The following ESPNL variants were observed in gnomAD, a reference collection of about 807,000 sequenced individuals.
ESPNL encodes the protein espin like, also known as espin-like protein.
Under a neutral mutation model 46.8 loss-of-function variants are expected in ESPNL, and 49 were observed. The ratio of observed to expected loss-of-function variants is 1.05; its 90% CI spans 0.83 to 1.33. ESPNL has a LOEUF of 1.33. Among genes scored for constraint, ESPNL ranks in the 40% most tolerant of loss-of-function variants. ESPNL has a pLI of 0.00. For synonymous variants in ESPNL, 664 were observed against 662.1 expected (o/e 1.00, Z -0.04); for missense variants, 1,540 against 1,436.6 (o/e 1.07, Z -1.16).
chr2:238,127,954 C>T (rs1459553740), intron 7 of ESPNL, among the ~76,000 whole-genome samples: 1 of 152,192 alleles, frequency 6.6e-6, no homozygotes, highest in Non-Finnish European at 1.5e-5. Flanking sequence ...CACAGAAACA[C>T]GGGGACCCTT....
chr2:238,118,132 A>G (rs111162876), intron 5 of ESPNL, among the ~76,000 whole-genome samples: 114 of 84,438 alleles, frequency 1.4e-3, no homozygotes, highest in African/African-American at 1.5e-3. Context: ...GTGGGTGGAG[A>G]AGGAATGGAT....
At chr2:238,105,687 G>A (rs958439404) in intron 3 of ESPNL, among the ~76,000 whole-genome samples, 3 of 152,106 alleles carry the variant, frequency 2.0e-5, no homozygotes, top group Non-Finnish European at 4.4e-5. Flanking sequence ...GCCCGGGGGC[G>A]GGCAGGAAAG....
chr2:238,127,648 G>A lies in ESPNL; in HGVS notation c.1129G>A (p.Gly377Ser). The change falls in exon 7 of 9, where the codon GGC becomes AGC. Residue 377 changes from glycine to serine, a missense_variant. Coordinates refer to ENST00000343063, the MANE Select transcript of ESPNL (RefSeq NM_194312.4). ...CATGTCCCTCAGCCCGGCCTGGCCT[G>A]GCCATCCTGACCAGCCTCTTCCCAG... ...SPMSLSPAWP[G>S]HPDQPLPREQ... 1 of 1,610,780 alleles carries A rather than the reference G, an allele frequency of 6.2e-7. No homozygotes were observed. The highest frequency in any genetic ancestry group is 8.5e-7 in the Non-Finnish European group (1 of 1,178,878).
rs1216094679 is a variant in ESPNL at position 238,131,256 on chromosome 2, G to A, written c.2542G>A (p.Val848Met). ...QFLPHVDGAPVPYSSLSLDLF... is the reference protein window; with the variant it reads ...QFLPHVDGAPMPYSSLSLDLF... ...CCTGCCCCACGTGGACGGGGCTCCG[G>A]TGCCCTACAGCAGCCTCTCACTGGA... Residue 848 changes from valine to methionine, a missense_variant, in exon 9 of 9, where the codon GTG (valine) becomes ATG (methionine). Coordinates refer to ENST00000343063, the MANE Select transcript of ESPNL (RefSeq NM_194312.4). The A allele has an allele frequency of 1.1e-5, 17 of 1,573,188 alleles. No individual in the cohort carries two copies. The highest frequency in any genetic ancestry group is 7.0e-5 in the East Asian group (3 of 42,804).
rs752488186 is a variant in ESPNL at position 238,131,685 on chromosome 2, G to T, written c.2971G>T (p.Ala991Ser). ...CTGCGGCTACATCAACCGCAGCTTT[G>T]CCTTCTGGAAGGAGAAGGAAGCTGA... Reference protein sequence around the residue: ...DICGYINRSFAFWKEKEAEMF... With the variant: ...DICGYINRSFSFWKEKEAEMF... The change falls in exon 9 of 9, where the codon GCC becomes TCC. Residue 991 changes from alanine (A) to serine (S), a missense_variant. By Grantham distance (99) the Ala-to-Ser change is moderately conservative. Coordinates refer to ENST00000343063, the MANE Select transcript of ESPNL (RefSeq NM_194312.4). The T allele has an allele frequency of 3.8e-6, 6 of 1,597,606 alleles. No homozygotes were observed. Among genetic ancestry groups the T allele is most frequent in the Non-Finnish European group, 5.1e-6 (6 of 1,167,416 alleles).
chr2:238,117,185 G>A (rs1474706521), intron 5 of ESPNL, 151 bp downstream of exon 5: 2 of 1,155,898 alleles, frequency 1.7e-6, no homozygotes, highest in South Asian at 1.6e-5. Context: ...CAAGGGCCTG[G>A]GCAGGACTGA....
intron 4 of ESPNL, among the ~76,000 whole-genome samples, chr2:238,116,469 G>A (rs1691817439): frequency 6.6e-6 from 1 of 152,236 alleles, no homozygotes; most frequent in African/African-American, 2.4e-5. Context: ...ACGGAGAGTG[G>A]GGCTGTGGCA....
chr2:238,100,672 G>C lies in ESPNL; in HGVS notation c.253G>C (p.Glu85Gln). The C allele has an allele frequency of 6.9e-7, 1 of 1,449,398 alleles. No individual in the cohort carries two copies. The highest frequency in any genetic ancestry group is 9.0e-7 in the Non-Finnish European group (1 of 1,109,798). The allele number at this position is 1,449,398 out of a possible 1,614,324, so 89.8% of individuals were successfully genotyped here. A position where few individuals can be genotyped will look rare whatever the true frequency, so the allele number is the denominator to read the frequency against. The change falls in exon 1 of 9, where the codon GAG (glutamate) becomes CAG (glutamine). Residue 85 changes from glutamate (E) to glutamine (Q), a missense_variant. Glu to Gln is a conservative substitution (Grantham distance 29). Transcript: ENST00000343063. Reference protein sequence around the residue: ...HDAAATGSLAELCWLVREGGC... With the variant: ...HDAAATGSLAQLCWLVREGGC... ...CGCCGCTGCCACGGGCAGCCTGGCC[G>C]AGCTGTGCTGGCTGGTCCGCGAGGG...
chr2:238,110,949 CTT>C (rs5839686), intron 4 of ESPNL, among the ~76,000 whole-genome samples: 45 of 110,988 alleles, frequency 4.1e-4, no homozygotes, highest in African/African-American at 1.2e-3. Flanking sequence ...ATTAGTTATT[CTT>C]TTTTTTTTTT....
intron 3 of ESPNL, among the ~76,000 whole-genome samples, chr2:238,105,153 G>C (rs1212087711): frequency 1.3e-5 from 2 of 152,140 alleles, no homozygotes; most frequent in Non-Finnish European, 2.9e-5. Context: ...GTGGTGGCCC[G>C]GGTGCTTTGT....
chr2:238,101,733 C>T (rs575862639), intron 1 of ESPNL, among the ~76,000 whole-genome samples: 1 of 152,316 alleles, frequency 6.6e-6, no homozygotes, highest in East Asian at 1.9e-4. Context: ...AAGACCTGGA[C>T]CTGAGTCCTG....
At chr2:238,115,863 G>A (rs759852780) in intron 4 of ESPNL, among the ~76,000 whole-genome samples, 10 of 152,222 alleles carry the variant, frequency 6.6e-5, no homozygotes, top group Non-Finnish European at 1.5e-4. Flanking sequence ...GTAGAAACAG[G>A]GTTTCACCAT....
intron 1 of ESPNL, among the ~76,000 whole-genome samples, chr2:238,101,463 T>C (rs761546044): frequency 9.9e-4 from 151 of 152,162 alleles, no homozygotes; most frequent in Non-Finnish European, 3.2e-4. Context: ...TGGGGATCCA[T>C]TCTGACAGGG....
intron 7 of ESPNL, among the ~76,000 whole-genome samples, chr2:238,128,171 C>T (rs1692184362): frequency 6.6e-6 from 1 of 152,278 alleles, no homozygotes; most frequent in South Asian, 2.1e-4. Flanking sequence ...TCCTGGGCGC[C>T]GGGCCCTTAG....
rs138703032 is a variant in ESPNL at position 238,125,578 on chromosome 2, C to T, written c.1102+194C>T. ...TGGAAACATGAGGATTAGCATTTTC[C>T]GTGGTGGGCACTTACAGCTACAGCA... On this transcript the variant is annotated intron_variant, in intron 6 of 8. Coordinates refer to ENST00000343063, the MANE Select transcript of ESPNL (RefSeq NM_194312.4). 9.2e-5 allele frequency among the ~76,000 whole-genome samples: 14 copies of T among 152,372 alleles called. No homozygotes were observed. The East Asian group carries it at 2.3e-3, about 25-fold the overall frequency.
At chr2:238,128,320 A>G (rs938546932) in intron 7 of ESPNL, among the ~76,000 whole-genome samples, 1 of 152,204 alleles carries the variant, frequency 6.6e-6, no homozygotes, top group Non-Finnish European at 1.5e-5. Context: ...GAAGGCTCTG[A>G]CAAGCCCTCC....
intron 4 of ESPNL, among the ~76,000 whole-genome samples, chr2:238,110,631 A>C (rs537215648): frequency 6.6e-4 from 71 of 107,414 alleles, no homozygotes; most frequent in African/African-American, 2.2e-3. Context: ...TTAGGATGCC[A>C]TATGATACCG....
rs943340860 is a variant in ESPNL at position 238,100,346 on chromosome 2, G to A, written c.-74G>A. The A allele has an allele frequency of 1.2e-5, 14 of 1,151,038 alleles. No homozygotes were observed. The highest frequency in any genetic ancestry group is 9.4e-5 in the East Asian group (1 of 10,606). The allele number at this position is 1,151,038 out of a possible 1,614,324, so 71.3% of individuals were successfully genotyped here. A position where few individuals can be genotyped will look rare whatever the true frequency, so the allele number is the denominator to read the frequency against. ...GGCAGCTTATCGGGTAACCAGAGCC[G>A]GCAGCTTCATCCACGTCTGAAACAG... On this transcript the variant is annotated 5_prime_UTR_variant, in exon 1 of 9. Transcript: ENST00000343063.
intron 4 of ESPNL, 143 bp downstream of exon 4, chr2:238,108,116 T>A: frequency 2.5e-6 from 2 of 792,234 alleles, no homozygotes; most frequent in East Asian, 5.8e-5. Flanking sequence ...AGTGGCACTG[T>A]CACTTGCCCA....
Sources: allele counts gnomAD v4.1 joint callset (sites outside exome capture counted in the v4.1 genomes callset), GRCh38; gene constraint gnomAD v4.1.1; transcripts MANE v1.5; gene names NCBI Gene and HGNC (gene_info 2026-07-23, HGNC 2026-07-21).